The following DGLUCY variants were observed in gnomAD, a reference collection of about 807,000 sequenced individuals.
DGLUCY encodes D-glutamate cyclase, mitochondrial.
DGLUCY carries 58 observed loss-of-function variants against 58.5 expected under a neutral mutation model. The ratio of observed to expected loss-of-function variants is 0.99; its 90% CI spans 0.80 to 1.23. DGLUCY has a LOEUF of 1.23. Among genes scored for constraint, DGLUCY ranks in the 50% most tolerant of loss-of-function variants. The pLI is 0.00. For missense variants in DGLUCY, 779 were observed against 784.7 expected (o/e 0.99, Z 0.09); for synonymous variants, 325 against 314.1 (o/e 1.03, Z -0.37).
chr14:91,175,666 A>G (rs991250144), intron 6 of DGLUCY: 11 of 356,050 alleles, frequency 3.1e-5, no homozygotes, highest in African/African-American at 1.3e-4. Context: ...TACTAGGCTC[A>G]ATGCACCCAA....
At chr14:91,119,062 T>C (rs2045184025) in intron 1 of DGLUCY, among the ~76,000 whole-genome samples, 3 of 152,206 alleles carry the variant, frequency 2.0e-5, no homozygotes. Flanking sequence ...ACAGGCTAAA[T>C]TGTAAAAAAG....
intron 1 of DGLUCY, among the ~76,000 whole-genome samples, chr14:91,118,405 C>T (rs954152815): frequency 1.3e-5 from 2 of 152,004 alleles, no homozygotes; most frequent in Non-Finnish European, 2.9e-5. Context: ...TAAAAGGTGC[C>T]AGACTCTTCA....
chr14:91,133,537 A>G (rs1566957515), intron 1 of DGLUCY, among the ~76,000 whole-genome samples: 1 of 152,120 alleles, frequency 6.6e-6, no homozygotes, highest in African/African-American at 2.4e-5. Context: ...TGGTAGTTCA[A>G]TGTTTAATTT....
At chr14:91,179,748 C>T (rs1396133175) in intron 7 of DGLUCY, among the ~76,000 whole-genome samples, 1 of 147,716 alleles carries the variant, frequency 6.8e-6, no homozygotes, top group African/African-American at 2.5e-5. Context: ...AAGGTTCCGT[C>T]TCCAAAAAAA....
intron 1 of DGLUCY, among the ~76,000 whole-genome samples, chr14:91,132,033 T>A (rs2046052098): frequency 6.6e-6 from 1 of 152,210 alleles, no homozygotes; most frequent in Non-Finnish European, 1.5e-5. Flanking sequence ...CCTCAGGTGA[T>A]CTGCCCACCT....
At chr14:91,115,656 C>T (rs1372707137) in intron 1 of DGLUCY, among the ~76,000 whole-genome samples, 4 of 152,154 alleles carry the variant, frequency 2.6e-5, no homozygotes, top group East Asian at 1.9e-4. Flanking sequence ...GCCATCCATC[C>T]GGCCTGGCCT....
intron 10 of DGLUCY, among the ~76,000 whole-genome samples, chr14:91,197,305 A>C (rs1262405242): frequency 6.6e-6 from 1 of 152,124 alleles, no homozygotes; most frequent in Non-Finnish European, 1.5e-5. Flanking sequence ...GGGTTTCGCC[A>C]TGTTGGCCAG....
chr14:91,134,830 T>C (rs1217796810), intron 1 of DGLUCY, among the ~76,000 whole-genome samples: 1 of 152,240 alleles, frequency 6.6e-6, no homozygotes, highest in East Asian at 1.9e-4. Flanking sequence ...TGAACTCACT[T>C]ACTAATTTTA....
chr14:91,076,543 C>T (rs2044025453), intron 1 of DGLUCY, among the ~76,000 whole-genome samples: 1 of 152,044 alleles, frequency 6.6e-6, no homozygotes, highest in South Asian at 2.1e-4. Flanking sequence ...ACTGTGTGTG[C>T]AATAGTGTCT....
chr14:91,151,178 T>C (rs908278850), intron 1 of DGLUCY, among the ~76,000 whole-genome samples: 11 of 152,268 alleles, frequency 7.2e-5, no homozygotes, highest in Non-Finnish European at 1.0e-4. Context: ...AATATTCTAC[T>C]GTATGTATAT....
At chr14:91,161,432 T>C (rs1244674702) in intron 3 of DGLUCY, among the ~76,000 whole-genome samples, 1 of 152,178 alleles carries the variant, frequency 6.6e-6, no homozygotes, top group African/African-American at 2.4e-5. Flanking sequence ...GCAATCAAGG[T>C]TGGTCTTAGC....
chr14:91,115,284 C>G (rs2044855085), intron 1 of DGLUCY: 1 of 152,428 alleles, frequency 6.6e-6, no homozygotes, highest in Admixed American at 6.6e-5. Context: ...AGAAAGAAAG[C>G]TGACTTGGCT....
chr14:91,090,389 T>C (rs1428596221), intron 1 of DGLUCY, among the ~76,000 whole-genome samples: 1 of 152,082 alleles, frequency 6.6e-6, no homozygotes, highest in Non-Finnish European at 1.5e-5. Context: ...TTTTTTTTTG[T>C]TTTAGATGCC....
intron 1 of DGLUCY, among the ~76,000 whole-genome samples, chr14:91,102,479 C>G (rs1414481129): frequency 6.6e-6 from 1 of 152,116 alleles, no homozygotes; most frequent in African/African-American, 2.4e-5. Context: ...CTGCCACCCC[C>G]TCCTCCTCCG....
intron 1 of DGLUCY, among the ~76,000 whole-genome samples, chr14:91,128,323 A>G (rs916496958): frequency 2.0e-5 from 3 of 151,472 alleles, no homozygotes; most frequent in African/African-American, 7.3e-5. Flanking sequence ...AAAAAAAAAA[A>G]AAAACCCACA....
intron 5 of DGLUCY, among the ~76,000 whole-genome samples, chr14:91,170,726 A>G (rs1465627435): frequency 1.3e-5 from 2 of 152,096 alleles, no homozygotes; most frequent in Admixed American, 1.3e-4. Context: ...TGCCTCTCCC[A>G]GCCCCTACTT....
At chr14:91,167,654 C>G in intron 4 of DGLUCY, 1 of 704,946 alleles carries the variant, frequency 1.4e-6, no homozygotes, top group Non-Finnish European at 2.6e-6. Flanking sequence ...TCTGTCCACT[C>G]CATCGCCCAA....
chr14:91,215,561 C>T lies in DGLUCY; in HGVS notation c.1716+5C>T. On this transcript the variant is annotated splice_donor_5th_base_variant and intron_variant, in intron 13 of 13. Transcript: ENST00000256324. ...GCCCTCCCGTCGGTCATTAAGGTAA[C>T]AAACCCCAGCCAGCCGCTCGCCTGG... 6.2e-7 allele frequency: 1 copy of T among 1,613,750 alleles called. No individual in the cohort carries two copies.
At chr14:91,085,152 G>A (rs1482530274) in intron 1 of DGLUCY, among the ~76,000 whole-genome samples, 1 of 149,774 alleles carries the variant, frequency 6.7e-6, no homozygotes. Context: ...AACCCAGGAG[G>A]TTGAGGCTTC....
Sources: allele counts gnomAD v4.1 joint callset (sites outside exome capture counted in the v4.1 genomes callset), GRCh38; gene constraint gnomAD v4.1.1; transcripts MANE v1.5; gene names NCBI Gene and HGNC (gene_info 2026-07-23, HGNC 2026-07-21).